CNTNAP2: variants seen among roughly 807,000 people sequenced by gnomAD.
CNTNAP2 encodes contactin-associated protein-like 2.
In CNTNAP2, 98 loss-of-function variants were observed where a neutral mutation model predicts 155.2. The observed-to-expected ratio is 0.63, with a 90% CI of 0.54 to 0.75. The LOEUF (loss-of-function observed/expected upper bound fraction) is 0.75, where lower values mean the gene tolerates loss of function less well. Among genes scored for constraint, CNTNAP2 ranks in the 30% least tolerant of loss-of-function variants. CNTNAP2 has a pLI of 0.00. For missense variants in CNTNAP2, 1,727 were observed against 1,688.1 expected (o/e 1.02, Z -0.40); for synonymous variants, 651 against 631.2 (o/e 1.03, Z -0.47).
intron 10 of CNTNAP2, among the ~76,000 whole-genome samples, chr7:147,485,339 T>A (rs1355915052): frequency 6.6e-6 from 1 of 152,224 alleles, no homozygotes; most frequent in Non-Finnish European, 1.5e-5. Flanking sequence ...GATATAGATT[T>A]GAACACAAAA....
intron 1 of CNTNAP2, among the ~76,000 whole-genome samples, chr7:146,674,649 AAAGC>A (rs1407078004): frequency 2.0e-5 from 3 of 152,134 alleles, no homozygotes; most frequent in African/African-American, 7.2e-5. Context: ...AGCTCACATA[AAAGC>A]AAGGAATACC....
chr7:147,325,186 G>C (rs1198768616), intron 9 of CNTNAP2, among the ~76,000 whole-genome samples: 1 of 152,046 alleles, frequency 6.6e-6, no homozygotes, highest in Non-Finnish European at 1.5e-5. Flanking sequence ...TGCAATCCCA[G>C]CTACTCAGGA....
At chr7:147,871,664 T>C (rs1448655235) in intron 13 of CNTNAP2, among the ~76,000 whole-genome samples, 1 of 137,860 alleles carries the variant, frequency 7.3e-6, no homozygotes, top group East Asian at 1.9e-4. Flanking sequence ...CCTTTCTCTT[T>C]TTTTTTTTTT....
chr7:148,287,713 G>C (rs546778768), intron 21 of CNTNAP2, among the ~76,000 whole-genome samples: 16 of 152,208 alleles, frequency 1.1e-4, no homozygotes, highest in African/African-American at 3.4e-4. Flanking sequence ...CTGTGTCATG[G>C]CATGGTGGAG....
chr7:148,172,226 C>A lies in CNTNAP2; in HGVS notation c.2774-16C>A. On this transcript the variant is annotated splice_polypyrimidine_tract_variant and intron_variant, in intron 17 of 23. Transcript: ENST00000361727. Reference sequence around the variant, plus strand: ...AGGTTATTCCCTCTGAACTCTGTGCCTTCTGTCATTCCCAGGTGGTGCTGG... The same window carrying A: ...AGGTTATTCCCTCTGAACTCTGTGCATTCTGTCATTCCCAGGTGGTGCTGG... 3 of 1,612,546 alleles carry A rather than the reference C, an allele frequency of 1.9e-6. No homozygotes were observed. Among genetic ancestry groups the A allele is most frequent in the Non-Finnish European group, 1.7e-6 (2 of 1,179,328 alleles).
chr7:146,547,910 C>A (rs1798053510), intron 1 of CNTNAP2, among the ~76,000 whole-genome samples: 1 of 151,466 alleles, frequency 6.6e-6, no homozygotes, highest in South Asian at 2.1e-4. Flanking sequence ...GCATTCCTAC[C>A]AATACCATGC....
chr7:147,105,235 G>A (rs1197955428), intron 4 of CNTNAP2, among the ~76,000 whole-genome samples: 1 of 151,698 alleles, frequency 6.6e-6, no homozygotes, highest in African/African-American at 2.4e-5. Context: ...ACAATAAAAT[G>A]TTTTTGAAAA....
intron 3 of CNTNAP2, among the ~76,000 whole-genome samples, chr7:147,027,647 A>C (rs574815386): frequency 5.3e-5 from 8 of 152,312 alleles, no homozygotes; most frequent in Middle Eastern, 6.8e-3. Context: ...CCTTTTGGAC[A>C]GTTTATAAAG....
Position 147,945,424 on chromosome 7 carries a change from A to G in CNTNAP2, c.2256-32438A>G, listed in dbSNP as rs1229852798. On this transcript the variant is annotated intron_variant, in intron 14 of 23. Transcript: ENST00000361727. ...ATGCAATAATTTTTCATCTTTGTATATTCGTATCTGAATTATCCATCATTT... is the reference window on the plus strand; with the variant it reads ...ATGCAATAATTTTTCATCTTTGTATGTTCGTATCTGAATTATCCATCATTT... Among the ~76,000 whole-genome samples, 6 of 152,304 alleles carry G rather than the reference A, an allele frequency of 3.9e-5. 1 individual carries two copies. The highest frequency in any genetic ancestry group is 3.9e-4 in the Admixed American group (6 of 15,304).
At chr7:146,916,919 A>G (rs1796406281) in intron 3 of CNTNAP2, among the ~76,000 whole-genome samples, 1 of 151,986 alleles carries the variant, frequency 6.6e-6, no homozygotes, top group Non-Finnish European at 1.5e-5. Flanking sequence ...TAGACAGTCT[A>G]TTTGTGTCTT....
At position 146,983,221 on chromosome 7, in the gene CNTNAP2, G is replaced by A. The variant is rs138310719; in HGVS notation, c.403-60686G>A. Among the ~76,000 whole-genome samples, 617 of 152,274 alleles carry A rather than the reference G, an allele frequency of 4.1e-3. 5 individuals are homozygous for A. Among genetic ancestry groups the A allele is most frequent in the African/African-American group, 0.013 (524 of 41,552 alleles). Reference sequence around the variant, plus strand: ...TTTAAAATTGTGTTTTCTGCTGAAAGATTCTGCTGAATGGAAGTGGGAGTG... The same window carrying A: ...TTTAAAATTGTGTTTTCTGCTGAAAAATTCTGCTGAATGGAAGTGGGAGTG... On this transcript the variant is annotated intron_variant, in intron 3 of 23. Coordinates refer to ENST00000361727, the MANE Select transcript of CNTNAP2 (RefSeq NM_014141.6).
chr7:146,446,844 A>G (rs1440145562), intron 1 of CNTNAP2, among the ~76,000 whole-genome samples: 1 of 152,064 alleles, frequency 6.6e-6, no homozygotes, highest in Non-Finnish European at 1.5e-5. Flanking sequence ...TCTATATTCT[A>G]TAAAGGCCCA....
chr7:146,897,598 T>C (rs191657430), intron 3 of CNTNAP2, among the ~76,000 whole-genome samples: 4 of 152,128 alleles, frequency 2.6e-5, no homozygotes, highest in Non-Finnish European at 5.9e-5. Flanking sequence ...TTTTTTTTCT[T>C]GGCCTTTAGG....
rs534095284 is a variant in CNTNAP2, at chr7:147,955,888, G to A, written c.2256-21974G>A. On this transcript the variant is annotated intron_variant, in intron 14 of 23. Transcript: ENST00000361727. ...TCTCCAAAGAATGGCTTGTGATGGG[G>A]GTACAGACTTGACCCAAGAATTACT... Among the ~76,000 whole-genome samples the A allele has an allele frequency of 4.7e-4, 71 of 152,178 alleles. 1 individual carries two copies. In the South Asian group the frequency reaches 0.014, roughly 31 times the overall value.
At chr7:147,617,491 A>G (rs1801315019) in intron 12 of CNTNAP2, among the ~76,000 whole-genome samples, 1 of 152,158 alleles carries the variant, frequency 6.6e-6, no homozygotes, top group African/African-American at 2.4e-5. Flanking sequence ...AATAGGCTAT[A>G]CATTGTTGCC....
chr7:147,774,697 C>T (rs1367985971), intron 13 of CNTNAP2, among the ~76,000 whole-genome samples: 1 of 152,148 alleles, frequency 6.6e-6, no homozygotes, highest in Non-Finnish European at 1.5e-5. Context: ...AGAGAGCCCT[C>T]ACCAGGAACC....
At chr7:147,450,097 A>G (rs1300740963) in intron 10 of CNTNAP2, among the ~76,000 whole-genome samples, 1 of 152,242 alleles carries the variant, frequency 6.6e-6, no homozygotes, top group East Asian at 1.9e-4. Flanking sequence ...GTTATAGTAT[A>G]TGGCACAACT....
At chr7:146,169,844 T>C (rs934620297) in intron 1 of CNTNAP2, among the ~76,000 whole-genome samples, 2 of 151,418 alleles carry the variant, frequency 1.3e-5, no homozygotes, top group Non-Finnish European at 2.9e-5. Flanking sequence ...TATATCATTG[T>C]TTCTTTATTC....
At chr7:146,465,490 G>A (rs1389679435) in intron 1 of CNTNAP2, among the ~76,000 whole-genome samples, 1 of 152,092 alleles carries the variant, frequency 6.6e-6, no homozygotes, top group Non-Finnish European at 1.5e-5. Context: ...GAGGTGTGTA[G>A]GGTAAATTGA....
Sources: allele counts gnomAD v4.1 joint callset (sites outside exome capture counted in the v4.1 genomes callset), GRCh38; gene constraint gnomAD v4.1.1; transcripts MANE v1.5; gene names NCBI Gene and HGNC (gene_info 2026-07-23, HGNC 2026-07-21).